Variants in PTPRD observed in about 807,000 individuals in gnomAD.
The protein encoded by PTPRD is protein tyrosine phosphatase receptor type D.
A neutral mutation model predicts 214.5 loss-of-function variants in PTPRD; 34 were observed. That is an observed-to-expected ratio of 0.16 (90% CI 0.12 to 0.21). The LOEUF is 0.21. Ranked by LOEUF, PTPRD falls within the 10% of genes least tolerant of loss-of-function variation. The probability of loss-of-function intolerance (pLI) is 1.00; values close to 1 mark genes in which losing one functional copy is unlikely to be tolerated. For missense variants in PTPRD, 2,545 were observed against 2,398.7 expected (o/e 1.06, Z -1.27); for synonymous variants, 1,128 against 845.7 (o/e 1.33, Z -5.79).
At position 10,612,765 on chromosome 9, in the gene PTPRD, A is replaced by C. The variant is rs1407751079; in HGVS notation, c.-785T>G. On this transcript the variant is annotated 5_prime_UTR_variant, in exon 1 of 46. Transcript: ENST00000381196. ...GCTCGGGAGGAGGAGGAGAAAGAGC[A>C]GCGGGAGGACTCGGGCTGGGAGGGG... The C allele has an allele frequency of 6.6e-6, 1 of 152,628 alleles. No individual in the cohort carries two copies. Among genetic ancestry groups the C allele is most frequent in the Non-Finnish European group, 1.5e-5 (1 of 68,464 alleles). The allele number at this position is 152,628 out of a possible 1,614,324, so 9.5% of individuals were successfully genotyped here. A position where few individuals can be genotyped will look rare whatever the true frequency, so the allele number is the denominator to read the frequency against.
At chr9:10,070,329 G>A (rs977634513) in intron 3 of PTPRD, among the ~76,000 whole-genome samples, 1 of 152,026 alleles carries the variant, frequency 6.6e-6, no homozygotes, top group Non-Finnish European at 1.5e-5. Flanking sequence ...CAAAGTCAAA[G>A]ATAGAGGATT....
chr9:9,589,041 A>C (rs2092423304), intron 7 of PTPRD, among the ~76,000 whole-genome samples: 1 of 151,936 alleles, frequency 6.6e-6, no homozygotes, highest in Non-Finnish European at 1.5e-5. Flanking sequence ...CAAGTTGACC[A>C]CTTCCGTATG....
chr9:9,883,849 A>G (rs1044255867), intron 5 of PTPRD, among the ~76,000 whole-genome samples: 1 of 152,140 alleles, frequency 6.6e-6, no homozygotes, highest in Non-Finnish European at 1.5e-5. Context: ...GAACTGTACC[A>G]AAGTGCATTT....
At chr9:9,664,435 TG>T (rs2096676867) in intron 7 of PTPRD, among the ~76,000 whole-genome samples, 1 of 151,668 alleles carries the variant, frequency 6.6e-6, no homozygotes, top group African/African-American at 2.4e-5. Context: ...TAGAATTCAA[TG>T]GTCGTAAGAA....
chr9:9,418,575 A>C (rs1025918889), intron 8 of PTPRD, among the ~76,000 whole-genome samples: 1 of 151,950 alleles, frequency 6.6e-6, no homozygotes, highest in Non-Finnish European at 1.5e-5. Context: ...CAATTTTCTT[A>C]TCTGTAAAAT....
At chr9:10,208,490 G>A (rs914740483) in intron 3 of PTPRD, among the ~76,000 whole-genome samples, 5 of 152,196 alleles carry the variant, frequency 3.3e-5, no homozygotes, top group Admixed American at 6.5e-5. Flanking sequence ...CTCCAGCCTG[G>A]GCGACAGAGC....
intron 5 of PTPRD, among the ~76,000 whole-genome samples, chr9:9,829,161 A>C (rs1404317180): frequency 2.0e-5 from 3 of 151,940 alleles, no homozygotes; most frequent in African/African-American, 7.2e-5. Flanking sequence ...AGAACATTGT[A>C]TTAAAAGTTA....
intron 7 of PTPRD, among the ~76,000 whole-genome samples, chr9:9,663,149 T>C (rs2096651884): frequency 6.6e-6 from 1 of 151,470 alleles, no homozygotes; most frequent in African/African-American, 2.4e-5. Flanking sequence ...TTTTTGATAA[T>C]CAAAAACTCA....
At chr9:9,393,770 T>A (rs1402941124) in intron 9 of PTPRD, among the ~76,000 whole-genome samples, 1 of 152,176 alleles carries the variant, frequency 6.6e-6, no homozygotes, top group Non-Finnish European at 1.5e-5. Flanking sequence ...TCCACAAGGC[T>A]GCGGAATGGA....
At chr9:9,843,810 A>T (rs947716908) in intron 5 of PTPRD, among the ~76,000 whole-genome samples, 5 of 152,026 alleles carry the variant, frequency 3.3e-5, no homozygotes, top group Admixed American at 6.6e-5. Flanking sequence ...ATAGAGGTAC[A>T]GGAAAACTGT....
At chr9:9,860,138 G>T (rs1042969269) in intron 5 of PTPRD, among the ~76,000 whole-genome samples, 1 of 152,128 alleles carries the variant, frequency 6.6e-6, no homozygotes, top group Non-Finnish European at 1.5e-5. Context: ...CCAAATAATT[G>T]GTAAGGTAAA....
At chr9:10,053,650 A>T (rs555289320) in intron 3 of PTPRD, among the ~76,000 whole-genome samples, 1 of 152,216 alleles carries the variant, frequency 6.6e-6, no homozygotes, top group Admixed American at 6.5e-5. Flanking sequence ...AATATCTTGT[A>T]TCTTGTAATC....
intron 3 of PTPRD, among the ~76,000 whole-genome samples, chr9:10,251,972 A>G (rs1564799044): frequency 6.6e-6 from 1 of 152,180 alleles, no homozygotes; most frequent in Non-Finnish European, 1.5e-5. Flanking sequence ...TTTCTAAAAG[A>G]GTAGTTTGTA....
intron 2 of PTPRD, among the ~76,000 whole-genome samples, chr9:10,588,970 T>C (rs1321658574): frequency 1.3e-5 from 2 of 152,174 alleles, no homozygotes; most frequent in East Asian, 1.9e-4. Context: ...GATAACTTAC[T>C]GAATGAGTAA....
chr9:9,303,763 T>A (rs1956244422), intron 9 of PTPRD, among the ~76,000 whole-genome samples: 1 of 152,106 alleles, frequency 6.6e-6, no homozygotes. Context: ...GATACAGTAA[T>A]CACTTTCATG....
rs192030308 is a variant in PTPRD at position 8,711,203 on chromosome 9, T to C, written c.64+22577A>G. Among the ~76,000 whole-genome samples the C allele has an allele frequency of 9.1e-3, 1,389 of 152,070 alleles. 34 individuals are homozygous for C. Among genetic ancestry groups the C allele is most frequent in the African/African-American group, 0.032 (1,324 of 41,464 alleles). On this transcript the variant is annotated intron_variant, in intron 12 of 45. Coordinates refer to ENST00000381196, the MANE Select transcript of PTPRD (RefSeq NM_002839.4). ...ATAATAATATATTTCATCAGCAATA[T>C]AAAATAATTGTCTTGGTAATTAAGG...
intron 12 of PTPRD, chr9:8,713,816 C>T (rs2098398570): frequency 1.3e-6 from 2 of 1,524,892 alleles, no homozygotes; most frequent in South Asian, 1.2e-5. Context: ...CGATTCACCA[C>T]CAAGAGGCCC....
intron 36 of PTPRD, among the ~76,000 whole-genome samples, chr9:8,402,020 G>A (rs2092457087): frequency 6.6e-6 from 1 of 152,182 alleles, no homozygotes; most frequent in Non-Finnish European, 1.5e-5. Flanking sequence ...TGGTTCTGTG[G>A]TTCCAGTTGC....
intron 10 of PTPRD, among the ~76,000 whole-genome samples, chr9:9,159,381 A>C (rs2099884334): frequency 6.6e-6 from 1 of 152,188 alleles, no homozygotes; most frequent in Non-Finnish European, 1.5e-5. Flanking sequence ...ATATAAAATC[A>C]ATATCCACAA....
Sources: allele counts gnomAD v4.1 joint callset (sites outside exome capture counted in the v4.1 genomes callset), GRCh38; gene constraint gnomAD v4.1.1; transcripts MANE v1.5; gene names NCBI Gene and HGNC (gene_info 2026-07-23, HGNC 2026-07-21).